Variants in POU2F2 observed in about 807,000 individuals in gnomAD.
POU2F2 encodes POU domain, class 2, transcription factor 2.
A neutral mutation model predicts 63.5 loss-of-function variants in POU2F2; 14 were observed. The ratio of observed to expected loss-of-function variants is 0.22; its 90% CI spans 0.15 to 0.34. The LOEUF (loss-of-function observed/expected upper bound fraction) is 0.34. Among genes scored for constraint, POU2F2 ranks in the 10% least tolerant of loss-of-function variants. POU2F2 has a pLI of 1.00. For missense variants in POU2F2, 607 were observed against 815.2 expected (o/e 0.74, Z 3.11); for synonymous variants, 306 against 348.6 (o/e 0.88, Z 1.36).
At chr19:42,131,067 C>T (rs1197315753) in intron 1 of POU2F2, among the ~76,000 whole-genome samples, 1 of 129,042 alleles carries the variant, frequency 7.7e-6, no homozygotes, top group Non-Finnish European at 1.6e-5. Context: ...TCCCCCCATC[C>T]CACCCCGACA....
In POU2F2 at chr19:42,110,100, T is replaced by A. The variant is rs191887844; in HGVS notation, c.369+7150A>T. Among the ~76,000 whole-genome samples, 200 of 151,550 alleles carry A rather than the reference T, an allele frequency of 1.3e-3. 1 individual carries two copies. Among genetic ancestry groups the A allele is most frequent in the African/African-American group, 4.5e-3 (187 of 41,330 alleles). ...GTGAAACCCCATCTCCACAATTTTT[T>A]TTTTTTTTTTTACTTATCCAGATAT... On this transcript the variant is annotated intron_variant, in intron 5 of 14. Transcript: ENST00000692977.
chr19:42,168,602 T>A (rs2146797681), intron 1 of POU2F2, among the ~76,000 whole-genome samples: 1 of 152,306 alleles, frequency 6.6e-6, no homozygotes, highest in South Asian at 2.1e-4. Flanking sequence ...CCCAGAATGC[T>A]TTGTGCACCT....
rs1268792096 is a variant in POU2F2, at chr19:42,090,192, A to G, written c.*1065T>C. 6.6e-6 allele frequency: 1 copy of G among 152,190 alleles called. No homozygotes were observed. The highest frequency in any genetic ancestry group is 2.4e-5 in the African/African-American group (1 of 41,274). 9.4% of individuals were successfully genotyped at this position (152,190 alleles called of 1,614,324 possible). On this transcript the variant is annotated 3_prime_UTR_variant, in exon 15 of 15. Transcript: ENST00000692977. This position sits in a 1 kb window ranked among gnomAD's most constrained non-coding sequence, Gnocchi z 4.4. The stretch of plus-strand genomic sequence containing the variant: ...AACGTGAAGGATCCCACGGATAGGC[A>G]CTGGAATATGAATTTTTTTTTTTTT...
chr19:42,102,574 T>C (rs1368681079), intron 5 of POU2F2, among the ~76,000 whole-genome samples: 5 of 148,532 alleles, frequency 3.4e-5, no homozygotes, highest in African/African-American at 1.2e-4. Flanking sequence ...CTGGGCAACA[T>C]AGTGAGACCC....
chr19:42,133,629 C>CACACACACACGTGT (rs1377394247), upstream of POU2F2: 1 of 154,502 alleles, frequency 6.5e-6, no homozygotes, highest in Non-Finnish European at 1.5e-5. The surrounding 1 kb of genome is among the most constrained non-coding windows in gnomAD (Gnocchi z 5.1). Flanking sequence ...CAGCACTTCA[C>CACACACACACGTGT]ACACACACAC....
chr19:42,099,449 A>AT (rs1291950188), intron 7 of POU2F2, 78 bp downstream of exon 7: 1 of 1,299,988 alleles, frequency 7.7e-7, no homozygotes, highest in African/African-American at 1.5e-5. Context: ...ACTCTCACTC[A>AT]TCCCCCACCC....
Position 42,189,848 on chromosome 19 carries a change from G to A in POU2F2, c.-70+6535C>T, listed in dbSNP as rs188292386. Among the ~76,000 whole-genome samples, 7 of 152,222 alleles carry A rather than the reference G, an allele frequency of 4.6e-5. No individual in the cohort carries two copies. In the East Asian group the frequency reaches 1.4e-3, roughly 29 times the overall value. On this transcript the variant is annotated intron_variant, in intron 1 of 5. Transcript: ENST00000532176. ...AGCAATCCTCCTCCCTCAGCCCCCT[G>A]AGTAGCTGGGACCACAACAAGTGCA...
intron 1 of POU2F2, among the ~76,000 whole-genome samples, chr19:42,130,733 G>T (rs2033631192): frequency 6.7e-6 from 1 of 150,294 alleles, no homozygotes; most frequent in South Asian, 2.1e-4. Context: ...GCCTTTGCTT[G>T]CTCATACCCA....
In POU2F2 at chr19:42,155,209, A is replaced by G. The variant is rs1276021913; in HGVS notation, c.-9+5123T>C. ...GGCTGCCTTCATCTTTCTCTGATGC[A>G]CTCTCATGCGCTCAGCTCGCATGCA... On this transcript the variant is annotated intron_variant, in intron 2 of 6. Coordinates refer to the POU2F2 transcript ENST00000524801. This position sits in a 1 kb window ranked among gnomAD's most constrained non-coding sequence, Gnocchi z 4.2. Among the ~76,000 whole-genome samples, 1 of 151,802 alleles carries G rather than the reference A, an allele frequency of 6.6e-6. No homozygotes were observed. Among genetic ancestry groups the G allele is most frequent in the African/African-American group, 2.4e-5 (1 of 41,280 alleles).
chr19:42,091,528 C>G lies in POU2F2; in HGVS notation c.1604G>C (p.Gly535Ala), dbSNP rs572569628. Reference protein sequence around the residue: ...SLDGSGNLVLGAAGAAPGSPG... With the variant: ...SLDGSGNLVLAAAGAAPGSPG... ...GCTCCCCGGGGCTGCACCGGCTGCC[C>G]CCAGCACCAGATTCCCGCTGCCATC... Residue 535 changes from glycine (G) to alanine (A), a missense_variant, in exon 15 of 15, where the codon GGG (glycine) becomes GCG (alanine). This residue lies in a region of POU2F2 where 270 missense variants were observed against 307.5 expected (regional missense o/e 0.88). Transcript: ENST00000692977. 1,332 of 1,547,126 alleles carry G rather than the reference C, an allele frequency of 8.6e-4. 11 individuals carry two copies. Among genetic ancestry groups the G allele is most frequent in the Non-Finnish European group, 7.3e-5 (84 of 1,144,078 alleles).
In POU2F2 at chr19:42,096,277, C is replaced by T. The variant is rs775556548; in HGVS notation, c.568-34G>A. 583 of 1,513,676 alleles carry T rather than the reference C, an allele frequency of 3.9e-4. 2 individuals are homozygous for T. Among genetic ancestry groups the T allele is most frequent in the Non-Finnish European group, 6.0e-5 (68 of 1,131,188 alleles). The allele number at this position is 1,513,676 out of a possible 1,614,324, so 93.8% of individuals were successfully genotyped here. ...GTGGGCAGGTGGGTGGGATGCAGGG[C>T]GGAGGACCAGGATGGGGCTCAGCGA... On this transcript the variant is annotated intron_variant, in intron 7 of 14. Transcript: ENST00000692977. This position sits in a 1 kb window ranked among gnomAD's most constrained non-coding sequence, Gnocchi z 4.1.
chr19:42,107,329 C>T (rs1049191828), intron 5 of POU2F2, among the ~76,000 whole-genome samples: 1 of 151,784 alleles, frequency 6.6e-6, no homozygotes, highest in Non-Finnish European at 1.5e-5. Context: ...CACTCCAGCT[C>T]GAGCAACAGA....
Position 42,089,839 on chromosome 19 carries a change from G to A in POU2F2, c.*1418C>T, listed in dbSNP as rs2076658828. ...TTTGTTGGCCTCCACAATAGCAGGA[G>A]GGCAGGGTGGCTCCCAGTGGTGTCT... On this transcript the variant is annotated 3_prime_UTR_variant, in exon 15 of 15. Transcript: ENST00000692977. 1 of 152,024 alleles carries A rather than the reference G, an allele frequency of 6.6e-6. No individual in the cohort carries two copies. Among genetic ancestry groups the A allele is most frequent in the Non-Finnish European group, 1.5e-5 (1 of 68,016 alleles). 9.4% of individuals were successfully genotyped at this position (152,024 alleles called of 1,614,324 possible).
rs1347339886 is a variant in POU2F2 at position 42,099,735 on chromosome 19, C to G, written c.456G>C (p.Gln152His). The G allele has an allele frequency of 1.9e-6, 3 of 1,593,552 alleles. No individual in the cohort carries two copies. The highest frequency in any genetic ancestry group is 2.6e-6 in the Non-Finnish European group (3 of 1,169,176). Residue 152 changes from glutamine to histidine, a missense_variant, in exon 6 of 15, where the codon CAG becomes CAC. By Grantham distance (24) the Gln-to-His change is conservative (BLOSUM62 0). Around this residue, in one of 7 missense-constraint regions of POU2F2, gnomAD observed 224 missense variants for 264.3 expected, o/e 0.85. Coordinates refer to ENST00000692977, the MANE Select transcript of POU2F2 (RefSeq NM_001394376.1). Reference protein sequence around the residue: ...LQPPAQFLLPQAQQSQPGLLP... With the variant: ...LQPPAQFLLPHAQQSQPGLLP... ...CCTTACCTGGCTGGCTCTGCTGGGC[C>G]TGCGGTAGCAGGAACTGAGCAGGTG...
rs982009873 is a variant in POU2F2, at chr19:42,152,969, C to T, written c.-9+7363G>A. Among the ~76,000 whole-genome samples the T allele has an allele frequency of 4.6e-5, 7 of 152,092 alleles. No individual in the cohort carries two copies. Among genetic ancestry groups the T allele is most frequent in the South Asian group, 2.1e-4 (1 of 4,834 alleles). ...CTGGGGTGGGTGCTGGAGTAGGCTA[C>T]GGTGAATGGACACAAAGAACAGTGG... On this transcript the variant is annotated intron_variant, in intron 2 of 6. Transcript: ENST00000524801. The surrounding 1 kb of genome is among the most constrained non-coding windows in gnomAD (Gnocchi z 4.1).
At chr19:42,179,684 G>A (rs976498188), upstream of POU2F2, among the ~76,000 whole-genome samples, 4 of 152,046 alleles carry the variant, frequency 2.6e-5, no homozygotes, top group Admixed American at 2.0e-4. Flanking sequence ...TGAGAAACAC[G>A]AGAATCACCA....
intron 5 of POU2F2, among the ~76,000 whole-genome samples, chr19:42,114,369 G>A (rs965993184): frequency 6.6e-6 from 1 of 152,096 alleles, no homozygotes; most frequent in Admixed American, 6.5e-5. Context: ...ACTTCCTAGA[G>A]GTGTGGACTC....
At chr19:42,178,958 G>A (rs935632976), upstream of POU2F2, among the ~76,000 whole-genome samples, 3 of 152,180 alleles carry the variant, frequency 2.0e-5, no homozygotes, top group Non-Finnish European at 2.9e-5. Context: ...GAGACACACA[G>A]AGAGACACAG....
chr19:42,093,040 C>G (rs2076791152), intron 12 of POU2F2, among the ~76,000 whole-genome samples: 1 of 108,526 alleles, frequency 9.2e-6, no homozygotes, highest in African/African-American at 3.5e-5. Context: ...GAGATGGAAT[C>G]TCACTCTGTC....
Sources: gnomAD v4.1 joint callset for allele counts (sites outside exome capture counted in the v4.1 genomes callset) on GRCh38, gnomAD v4.1.1 for gene constraint, gnomAD v4.1.1 regional missense constraint, Gnocchi (gnomAD v3.1) non-coding constraint, MANE v1.5 for transcripts, NCBI Gene and HGNC (gene_info 2026-07-23, HGNC 2026-07-21) for gene names.